COG3: variants seen among roughly 807,000 people sequenced by gnomAD.
The protein encoded by COG3 is component of oligomeric golgi complex 3.
A neutral mutation model predicts 114.1 loss-of-function variants in COG3; 32 were observed. The observed-to-expected ratio is 0.28, with a 90% CI of 0.21 to 0.38. The LOEUF (loss-of-function observed/expected upper bound fraction) is 0.38. Among genes scored for constraint, COG3 ranks in the 10% least tolerant of loss-of-function variants. The probability of loss-of-function intolerance (pLI) is 1.00; values close to 1 mark genes in which losing one functional copy is unlikely to be tolerated. For missense variants in COG3, 813 were observed against 973.2 expected (o/e 0.84, Z 2.19); for synonymous variants, 352 against 365.7 (o/e 0.96, Z 0.43).
rs777312080 is a variant in COG3, at chr13:45,465,197, C to G, written c.161C>G (p.Pro54Arg). The stretch of plus-strand genomic sequence containing the variant: ...CTGAAGGCGGCGGCAGAGAACTTGC[C>G]GGTGCCAGCTGAGGTGAGGTGATGG... ...LELKAAAENL[P>R]VPAELPIEDL... Residue 54 changes from proline to arginine, a missense_variant, in exon 1 of 23, where the codon CCG becomes CGG. By Grantham distance (103) the Pro-to-Arg change is moderately radical. Around this residue, in one of 2 missense-constraint regions of COG3, gnomAD observed 424 missense variants for 430.6 expected, o/e 0.98. Transcript: ENST00000349995. The G allele has an allele frequency of 6.2e-7, 1 of 1,613,510 alleles. No individual in the cohort carries two copies. The highest frequency in any genetic ancestry group is 8.5e-7 in the Non-Finnish European group (1 of 1,179,846).
At chr13:45,511,998 C>A in intron 16 of COG3, 144 bp downstream of exon 16, 1 of 643,620 alleles carries the variant, frequency 1.6e-6, no homozygotes, top group South Asian at 1.8e-5. Flanking sequence ...TTGAGAGAAA[C>A]TGTTATTTCA....
At chr13:45,488,404 A>G (rs1441340896) in intron 8 of COG3, among the ~76,000 whole-genome samples, 1 of 152,214 alleles carries the variant, frequency 6.6e-6, no homozygotes. Context: ...GAAATAATAC[A>G]TGTTTGAGGT....
chr13:45,505,154 T>G (rs1566260304), intron 14 of COG3, among the ~76,000 whole-genome samples: 1 of 150,582 alleles, frequency 6.6e-6, no homozygotes, highest in Non-Finnish European at 1.5e-5. Context: ...GCCACTGTAC[T>G]CCAGCCTGGG....
Position 45,509,442 on chromosome 13 carries a change from C to CAT in COG3, c.1595-241_1595-240dup, listed in dbSNP as rs566161699. The stretch of plus-strand genomic sequence containing the variant: ...TTTGGGAAAAGCAACTTGGGTTGAG[C>CAT]ATATATATATGAAGCTGGAATGTAT... On this transcript the variant is annotated intron_variant, in intron 14 of 22. Transcript: ENST00000349995. 3.3e-5 allele frequency among the ~76,000 whole-genome samples: 5 copies of CAT among 152,082 alleles called. No individual in the cohort carries two copies. In the South Asian group the frequency reaches 1.0e-3, roughly 31 times the overall value.
chr13:45,476,527 C>T (rs1380317639), intron 2 of COG3, among the ~76,000 whole-genome samples, 180 bp downstream of exon 2: 1 of 152,018 alleles, frequency 6.6e-6, no homozygotes, highest in Non-Finnish European at 1.5e-5. Context: ...GAATCTATTG[C>T]CCAATTATAG....
Position 45,493,242 on chromosome 13 carries a change from T to A in COG3, c.1188-105T>A. The A allele has an allele frequency of 8.3e-6, 7 of 841,244 alleles. No individual in the cohort carries two copies. In the South Asian group the frequency reaches 1.2e-4, roughly 15 times the overall value. The allele number at this position is 841,244 out of a possible 1,614,324, so 52.1% of individuals were successfully genotyped here. Reference sequence around the variant, plus strand: ...TCCTCAGATACTATTTTCCAGTAGATACTTATTGTTCTTATTGACTGGAAG... The same window carrying A: ...TCCTCAGATACTATTTTCCAGTAGAAACTTATTGTTCTTATTGACTGGAAG... On this transcript the variant is annotated intron_variant, in intron 11 of 22. Coordinates refer to ENST00000349995, the MANE Select transcript of COG3 (RefSeq NM_031431.4).
chr13:45,489,262 C>CAAAAA (rs377551623), intron 8 of COG3, among the ~76,000 whole-genome samples: 2,564 of 43,556 alleles, frequency 0.059, 496 homozygotes, highest in East Asian at 0.12. Flanking sequence ...GACCCAGCCT[C>CAAAAA]AAAAAAAAAA....
At chr13:45,496,360 G>T in intron 13 of COG3, 48 bp downstream of exon 13, 2 of 1,323,754 alleles carry the variant, frequency 1.5e-6, no homozygotes, top group Admixed American at 6.0e-5. Flanking sequence ...ACAGCTTTTA[G>T]ATGTTTTATT....
Position 45,479,004 on chromosome 13 carries a change from GT to G in COG3, c.326del (p.Phe109SerfsTer22). ...EEERIETAQQFFSWFAKLQTQ... is the reference protein window; with the variant it reads ...EEERIETAQQXFSWFAKLQTQ... ...CACAATATAATACTCTGTTTTTCCA[GT>G]TTTTCTCATGGTTTGCAAAGCTGCA... On this transcript the variant is annotated frameshift_variant and splice_region_variant, in exon 3 of 23. Coordinates refer to ENST00000349995, the MANE Select transcript of COG3 (RefSeq NM_031431.4). LOFTEE classifies it high-confidence loss of function. The G allele has an allele frequency of 6.2e-7, 1 of 1,609,014 alleles. No individual in the cohort carries two copies. Among genetic ancestry groups the G allele is most frequent in the Non-Finnish European group, 8.5e-7 (1 of 1,177,456 alleles).
chr13:45,530,555 C>A (rs1873083445), intron 21 of COG3, 127 bp from the exon 22 acceptor site: 1 of 638,464 alleles, frequency 1.6e-6, no homozygotes, highest in African/African-American at 1.8e-5. Flanking sequence ...AATTATGCGT[C>A]TTTGGTAATA....
intron 12 of COG3, 142 bp from the exon 13 acceptor site, chr13:45,496,010 C>T: frequency 1.6e-6 from 1 of 614,774 alleles, no homozygotes; most frequent in Non-Finnish European, 2.6e-6. Context: ...CTCATTGAGT[C>T]ATGCTGAAAT....
At chr13:45,530,888 AT>A in intron 22 of COG3, 108 bp downstream of exon 22, 1 of 1,235,708 alleles carries the variant, frequency 8.1e-7, no homozygotes. Context: ...TTTAAAAAAT[AT>A]TACCTTCTTT....
At position 45,483,299 on chromosome 13, in the gene COG3, A is replaced by C. The variant is rs1389392149; in HGVS notation, c.787A>C (p.Met263Leu). The C allele has an allele frequency of 1.9e-6, 3 of 1,597,268 alleles. No homozygotes were observed. The highest frequency in any genetic ancestry group is 1.7e-4 in the Middle Eastern group (1 of 6,014). ...GTGTCTTTCTAAAGCTTTGCACCTC[A>C]TGAAGACATATACTGTGAACACACT... is the stretch of plus-strand genomic sequence containing the variant. Reference protein sequence around the residue: ...KQCLSKALHLMKTYTVNTLQT... With the variant: ...KQCLSKALHLLKTYTVNTLQT... The change falls in exon 7 of 23, where the codon ATG becomes CTG. Residue 263 changes from methionine (M) to leucine (L), a missense_variant. This residue lies in a region of COG3 where 424 missense variants were observed against 430.6 expected (regional missense o/e 0.98). Transcript: ENST00000349995.
chr13:45,488,513 A>C (rs1174678095), intron 8 of COG3, among the ~76,000 whole-genome samples: 1 of 152,170 alleles, frequency 6.6e-6, no homozygotes, highest in African/African-American at 2.4e-5. Context: ...ATGTATTAAT[A>C]AAAAAGATTA....
At position 45,476,317 on chromosome 13, in the gene COG3, GGAA is replaced by G; in HGVS notation, c.298_300del (p.Glu100del). 6.2e-7 allele frequency: 1 copy of G among 1,612,816 alleles called. No homozygotes were observed. Among genetic ancestry groups the G allele is most frequent in the Non-Finnish European group, 8.5e-7 (1 of 1,179,158 alleles). On this transcript the variant is annotated inframe_deletion, in exon 2 of 23. Transcript: ENST00000349995. ...TGAAGGGCTTCACTTCCTTAGGAAT[GGAA>G]GAAGAAAGAATTGAAACCGCACAGC...
At chr13:45,513,433 T>C (rs1376347274) in intron 16 of COG3, among the ~76,000 whole-genome samples, 1 of 102,522 alleles carries the variant, frequency 9.8e-6, no homozygotes, top group African/African-American at 5.4e-5. Flanking sequence ...ATATATATAA[T>C]ATATACATAT....
intron 17 of COG3, 32 bp downstream of exon 17, chr13:45,516,295 T>C (rs1348532432): frequency 2.6e-6 from 4 of 1,550,032 alleles, no homozygotes; most frequent in South Asian, 2.5e-5. Context: ...CACACTTGGG[T>C]GTGTTTGATC....
rs1376198568 is a variant in COG3, at chr13:45,495,182, C to G, written c.1328-970C>G. Among the ~76,000 whole-genome samples the G allele has an allele frequency of 2.5e-5, 3 of 122,330 alleles. No individual in the cohort carries two copies. The Admixed American group carries it at 2.9e-4, about 12-fold the overall frequency. The allele number at this position is 122,330 out of a possible 152,430, so 80.3% of individuals were successfully genotyped here. A position where few individuals can be genotyped will look rare whatever the true frequency, so the allele number is the denominator to read the frequency against. ...TTTTTTTTTTAAATAGAGATAGGGT[C>G]TCACTGTGTTGCCTAGGCTGGGCTT... On this transcript the variant is annotated intron_variant, in intron 12 of 22. Coordinates refer to ENST00000349995, the MANE Select transcript of COG3 (RefSeq NM_031431.4).
intron 13 of COG3, among the ~76,000 whole-genome samples, chr13:45,500,053 T>A (rs867552199): frequency 7.6e-5 from 4 of 52,846 alleles, no homozygotes; most frequent in Non-Finnish European, 1.4e-4. Context: ...TGTGTGTGTG[T>A]GTGTGTGTGT....
Sources: allele counts gnomAD v4.1 joint callset (sites outside exome capture counted in the v4.1 genomes callset), GRCh38; gene constraint gnomAD v4.1.1; regional missense constraint gnomAD v4.1.1; transcripts MANE v1.5; gene names NCBI Gene and HGNC (gene_info 2026-07-23, HGNC 2026-07-21).